The following KIDINS220 variants were observed in gnomAD, a reference collection of about 807,000 sequenced individuals.
KIDINS220 encodes kinase D-interacting substrate of 220 kDa.
A neutral mutation model predicts 157.6 loss-of-function variants in KIDINS220; 63 were observed. That is an observed-to-expected ratio of 0.40 (90% confidence interval 0.33 to 0.49). KIDINS220 has a LOEUF of 0.49. KIDINS220 is among the 20% of genes least tolerant of loss of function. KIDINS220 has a pLI of 0.66. For missense variants in KIDINS220, 1,772 were observed against 2,171.2 expected, an observed-to-expected ratio of 0.82 and a Z score of 3.65; for synonymous variants, 732 against 783.6, an observed-to-expected ratio of 0.93 and a Z score of 1.10.
chr2:8,830,880 T>C (rs367934876), intron 1 of KIDINS220, among the ~76,000 whole-genome samples: 2 of 152,294 alleles, frequency 1.3e-5, no homozygotes, highest in African/African-American at 4.8e-5. Flanking sequence ...GGTCACACCA[T>C]ATTGGCACTG....
intron 2 of KIDINS220, among the ~76,000 whole-genome samples, chr2:8,821,625 A>T (rs1204246877): frequency 2.0e-5 from 3 of 152,214 alleles, no homozygotes; most frequent in Non-Finnish European, 4.4e-5. Context: ...ATGTGAGAAA[A>T]ACAAAACCTT....
At chr2:8,816,116 T>C (rs1677045446) in intron 4 of KIDINS220, among the ~76,000 whole-genome samples, 1 of 152,220 alleles carries the variant, frequency 6.6e-6, no homozygotes, top group African/African-American at 2.4e-5. Flanking sequence ...TAAAGAACCT[T>C]TAATAAAGAT....
Position 8,731,934 on chromosome 2 carries a change from A to G in KIDINS220, c.4102T>C (p.Ser1368Pro). 6.2e-7 allele frequency: 1 copy of G among 1,608,722 alleles called. No homozygotes were observed. Among genetic ancestry groups the G allele is most frequent in the East Asian group, 2.2e-5 (1 of 44,828 alleles). ...PSLSSLNSQD[S>P]SIEISKLTDK... ...GTAAGCTTTGAAATTTCAATACTGG[A>G]ATCCTGGGAATTGAGACTCGAAAGA... Residue 1368 changes from serine (S) to proline (P), a missense_variant, in exon 30 of 30, where the codon TCC becomes CCC. By Grantham distance (74) the Ser-to-Pro change is moderately conservative. Coordinates refer to ENST00000256707, the MANE Select transcript of KIDINS220 (RefSeq NM_020738.4). The surrounding 1 kb of genome is among the most constrained non-coding windows in gnomAD (Gnocchi z 5.2).
chr2:8,759,216 G>C (rs1668435809), intron 22 of KIDINS220, among the ~76,000 whole-genome samples: 1 of 152,140 alleles, frequency 6.6e-6, no homozygotes, highest in Middle Eastern at 3.2e-3. Context: ...GAAGACATTT[G>C]CAAGTATCTA....
intron 2 of KIDINS220, chr2:8,825,786 A>G (rs936796338): frequency 6.6e-6 from 1 of 152,184 alleles, no homozygotes; most frequent in Non-Finnish European, 1.5e-5. Context: ...TGTCCTGCCA[A>G]ATAATAATAG....
chr2:8,736,073 T>C (rs781135642), intron 27 of KIDINS220, among the ~76,000 whole-genome samples: 1 of 152,206 alleles, frequency 6.6e-6, no homozygotes, highest in Non-Finnish European at 1.5e-5. Context: ...CTGAAACCTT[T>C]CTAAAATTGG....
At chr2:8,733,286 C>T (rs1419750462) in intron 29 of KIDINS220, among the ~76,000 whole-genome samples, 158 bp downstream of exon 29, 7 of 152,230 alleles carry the variant, frequency 4.6e-5, no homozygotes, top group Non-Finnish European at 1.0e-4. Flanking sequence ...CACATGGATG[C>T]AGCTCCTTGA....
chr2:8,727,044 C>T (rs1479208239), downstream of KIDINS220: 8 of 999,300 alleles, frequency 8.0e-6, no homozygotes, highest in Middle Eastern at 2.5e-4. Context: ...ATTAAAAAAA[C>T]TATCCAGTGC....
intron 6 of KIDINS220, among the ~76,000 whole-genome samples, chr2:8,808,041 T>C (rs8179711): frequency 0.16 from 24,411 of 151,882 alleles, 2,050 homozygotes; most frequent in Middle Eastern, 0.22. Context: ...GGACGATCAC[T>C]TAAACCTAAG....
downstream of KIDINS220, chr2:8,721,832 A>C (rs1447670377): frequency 6.6e-6 from 1 of 152,208 alleles, no homozygotes; most frequent in African/African-American, 2.4e-5. Context: ...TTGTGAATTG[A>C]GAATAATAGT....
At chr2:8,727,919 A>G (rs1370200365), downstream of KIDINS220, among the ~76,000 whole-genome samples, 3 of 152,244 alleles carry the variant, frequency 2.0e-5, no homozygotes, top group Non-Finnish European at 4.4e-5. Context: ...TTTTATTTCC[A>G]GTCTTCTCCT....
At chr2:8,773,801 T>C (rs988571567) in intron 21 of KIDINS220, among the ~76,000 whole-genome samples, 1 of 152,114 alleles carries the variant, frequency 6.6e-6, no homozygotes, top group African/African-American at 2.4e-5. Context: ...TACTTCCCAC[T>C]ATTCTCTTTT....
intron 27 of KIDINS220, among the ~76,000 whole-genome samples, chr2:8,736,170 T>G (rs1558312339): frequency 1.3e-5 from 2 of 152,236 alleles, no homozygotes; most frequent in Non-Finnish European, 2.9e-5. Flanking sequence ...ATATAAATAT[T>G]AGAGGCTGGT....
chr2:8,778,568 T>C, intron 20 of KIDINS220, 71 bp downstream of exon 20: 1 of 952,668 alleles, frequency 1.0e-6, no homozygotes, highest in Non-Finnish European at 1.7e-6. Context: ...ATTATTTAAG[T>C]GGCATCATCT....
intron 22 of KIDINS220, chr2:8,757,610 T>C (rs1668177337): frequency 6.3e-7 from 1 of 1,595,782 alleles, no homozygotes; most frequent in Non-Finnish European, 8.5e-7. Flanking sequence ...TTTTCAGTCC[T>C]TCGAGGCAGA....
At position 8,729,897 on chromosome 2, in the gene KIDINS220, T is replaced by C. The variant is rs1016177952; in HGVS notation, c.*823A>G. 1.6e-5 allele frequency: 16 copies of C among 985,312 alleles called. No individual in the cohort carries two copies. The highest frequency in any genetic ancestry group is 5.2e-5 in the African/African-American group (3 of 57,240). 61.0% of individuals were successfully genotyped at this position (985,312 alleles called of 1,614,324 possible). A position where few individuals can be genotyped will look rare whatever the true frequency, so the allele number is the denominator to read the frequency against. On this transcript the variant is annotated 3_prime_UTR_variant, in exon 30 of 30. Coordinates refer to ENST00000256707, the MANE Select transcript of KIDINS220 (RefSeq NM_020738.4). ...CAGAAAAAGAATTCATGTTTTTTTT[T>C]CTTCTCATTGCTAAGCTCACTTAGA...
At chr2:8,774,762 T>C (rs1223637171) in intron 21 of KIDINS220, among the ~76,000 whole-genome samples, 1 of 152,140 alleles carries the variant, frequency 6.6e-6, no homozygotes, top group Non-Finnish European at 1.5e-5. Context: ...AATCAGATCA[T>C]AAAGGGCTTT....
rs1131692229 is a variant in KIDINS220, at chr2:8,730,955, CTG to C, written c.5079_5080del (p.Asn1693LysfsTer8). On this transcript the variant is annotated frameshift_variant, in exon 30 of 30. Transcript: ENST00000256707. LOFTEE classifies it low-confidence loss of function (END_TRUNC). ...CATCTCATCGAAATTTTGATTGGCT[CTG>C]TTGGCTGGAGCACTATTGTTGTTCA... is the stretch of plus-strand genomic sequence containing the variant. 1 of 1,614,100 alleles carries C rather than the reference CTG, an allele frequency of 6.2e-7. No homozygotes were observed. Among genetic ancestry groups the C allele is most frequent in the African/African-American group, 1.3e-5 (1 of 74,938 alleles).
At chr2:8,813,391 A>C in intron 4 of KIDINS220, 56 bp from the exon 5 acceptor site, 1 of 1,178,768 alleles carries the variant, frequency 8.5e-7, no homozygotes, top group Non-Finnish European at 1.2e-6. Context: ...TCTGAGTATA[A>C]AAAATGTCAC....
Sources: allele counts gnomAD v4.1 joint callset (sites outside exome capture counted in the v4.1 genomes callset), GRCh38; gene constraint gnomAD v4.1.1; non-coding constraint Gnocchi (gnomAD v3.1); transcripts MANE v1.5; gene names NCBI Gene and HGNC (gene_info 2026-07-23, HGNC 2026-07-21).